The following NF2 variants were observed in gnomAD, a reference collection of about 807,000 sequenced individuals.
The protein encoded by NF2 is NF2, moesin-ezrin-radixin like (MERLIN) tumor suppressor.
A neutral mutation model predicts 83.7 loss-of-function variants in NF2; 8 were observed. The observed-to-expected ratio is 0.10, with a 90% CI of 0.06 to 0.17. The LOEUF (loss-of-function observed/expected upper bound fraction) is 0.17, where lower values mean the gene tolerates loss of function less well. Ranked by LOEUF, NF2 falls within the 10% of genes least tolerant of loss-of-function variation. The pLI is 1.00. For synonymous variants in NF2, 266 were observed against 269.6 expected, an observed-to-expected ratio of 0.99 and a Z score of 0.13; for missense variants, 533 against 744.4, an observed-to-expected ratio of 0.72 and a Z score of 3.31.
Position 29,649,584 on chromosome 22 carries a change from A to T in NF2, c.448-5073A>T, listed in dbSNP as rs1310600538. Among the ~76,000 whole-genome samples the T allele has an allele frequency of 4.6e-5, 7 of 152,186 alleles. No individual in the cohort carries two copies. The East Asian group carries it at 1.4e-3, about 29-fold the overall frequency. ...AAAACAAAACAAAACAAAAGACAAA[A>T]AATATATAAAAGCCAGCTGTGGTGG... On this transcript the variant is annotated intron_variant, in intron 4 of 15. Transcript: ENST00000338641.
At chr22:29,670,093 G>C (rs1182406378) in intron 10 of NF2, among the ~76,000 whole-genome samples, 1 of 151,956 alleles carries the variant, frequency 6.6e-6, no homozygotes, top group Non-Finnish European at 1.5e-5. Context: ...CAAGCTCCTG[G>C]GCTTGAGCAA....
intron 4 of NF2, among the ~76,000 whole-genome samples, chr22:29,649,548 AAAAAC>A (rs375726074): frequency 6.2e-4 from 94 of 152,268 alleles, no homozygotes; most frequent in African/African-American, 1.3e-3. Context: ...AGAAAAAGGC[AAAAAC>A]AAAACAAAAC....
chr22:29,668,110 A>G (rs1414327298), intron 9 of NF2, among the ~76,000 whole-genome samples: 1 of 152,048 alleles, frequency 6.6e-6, no homozygotes, highest in East Asian at 1.9e-4. Flanking sequence ...CTCTTGATTT[A>G]TGATTTTTAC....
At chr22:29,649,771 C>T (rs2066091396) in intron 4 of NF2, among the ~76,000 whole-genome samples, 1 of 144,918 alleles carries the variant, frequency 6.9e-6, no homozygotes, top group Non-Finnish European at 1.5e-5. Context: ...AAAAAGGAGC[C>T]ACTGGTACAA....
chr22:29,649,996 A>G (rs1250277278), intron 4 of NF2, among the ~76,000 whole-genome samples: 2 of 152,078 alleles, frequency 1.3e-5, no homozygotes, highest in Non-Finnish European at 2.9e-5. Flanking sequence ...GTACCACACA[A>G]ATATATATAT....
intron 2 of NF2, among the ~76,000 whole-genome samples, chr22:29,638,064 G>GAAATACATCATGACACATGTTA (rs1322752684): frequency 3.3e-5 from 5 of 152,214 alleles, no homozygotes; most frequent in Non-Finnish European, 5.9e-5. Context: ...CTGCTCAAGG[G>GAAATACATCATGACACATGTTA]AAATACATCA....
intron 9 of NF2, 53 bp downstream of exon 9, chr22:29,665,117 T>A (rs927562850): frequency 1.5e-6 from 2 of 1,316,568 alleles, no homozygotes; most frequent in African/African-American, 2.9e-5. Flanking sequence ...TTCTGAGAAT[T>A]GAATACTTCT....
In NF2 at chr22:29,671,873, T is replaced by C. The variant is rs2066802027; in HGVS notation, c.1047T>C (p.Ala349=). 1 of 1,613,952 alleles carries C rather than the reference T, an allele frequency of 6.2e-7. No homozygotes were observed. The highest frequency in any genetic ancestry group is 8.5e-7 in the Non-Finnish European group (1 of 1,180,016). Residue 349 remains alanine (A), a synonymous_variant, in exon 11 of 16, where the codon GCT becomes GCC. Coordinates refer to ENST00000338641, the MANE Select transcript of NF2 (RefSeq NM_000268.4). ...LAREKQMREE[A]ERTRDELERR... ...GAGAGAAGCAGATGAGGGAGGAGGCTGAACGCACGAGGGATGAGTTGGAGA... is the reference window on the plus strand; with the variant it reads ...GAGAGAAGCAGATGAGGGAGGAGGCCGAACGCACGAGGGATGAGTTGGAGA...
intron 9 of NF2, among the ~76,000 whole-genome samples, chr22:29,666,521 C>A (rs1368379824): frequency 6.6e-6 from 1 of 151,766 alleles, no homozygotes; most frequent in African/African-American, 2.4e-5. Context: ...TCTTTGGAGT[C>A]TTGAGTATAC....
chr22:29,603,918 C>T lies in NF2; in HGVS notation c.-81C>T. 1 of 1,124,376 alleles carries T rather than the reference C, an allele frequency of 8.9e-7. No individual in the cohort carries two copies. The highest frequency in any genetic ancestry group is 1.3e-6 in the Non-Finnish European group (1 of 773,440). The allele number at this position is 1,124,376 out of a possible 1,614,324, so 69.6% of individuals were successfully genotyped here. ...CCGGCCACCATGGTGGCCCTGAGGCCTGTGCAGCAACTCCAGGGGGGCTAA... is the reference window on the plus strand; with the variant it reads ...CCGGCCACCATGGTGGCCCTGAGGCTTGTGCAGCAACTCCAGGGGGGCTAA... On this transcript the variant is annotated 5_prime_UTR_variant, in exon 1 of 16. Transcript: ENST00000338641.
chr22:29,665,755 GAAAAAA>G (rs555450815), intron 9 of NF2, among the ~76,000 whole-genome samples: 1 of 104,946 alleles, frequency 9.5e-6, no homozygotes, highest in Non-Finnish European at 2.0e-5. Flanking sequence ...ACAAGGTCAG[GAAAAAA>G]AAAAAAAAAG....
chr22:29,688,520 G>A (rs552365472), intron 15 of NF2, among the ~76,000 whole-genome samples: 3 of 152,224 alleles, frequency 2.0e-5, no homozygotes, highest in East Asian at 1.9e-4. Flanking sequence ...GTAGATAGCC[G>A]CCACCTGCCC....
intron 4 of NF2, among the ~76,000 whole-genome samples, chr22:29,645,265 G>A (rs1359697484): frequency 6.6e-6 from 1 of 152,152 alleles, no homozygotes; most frequent in Non-Finnish European, 1.5e-5. Flanking sequence ...GAGAGAGCAT[G>A]AGAGTTGTTG....
chr22:29,673,387 C>T lies in NF2; in HGVS notation c.1241C>T (p.Ala414Val). 6.2e-7 allele frequency: 1 copy of T among 1,611,896 alleles called. No individual in the cohort carries two copies. Among genetic ancestry groups the T allele is most frequent in the East Asian group, 2.2e-5 (1 of 44,814 alleles). Reference protein sequence around the residue: ...EAEQEMQRIKATAIRTEEEKR... With the variant: ...EAEQEMQRIKVTAIRTEEEKR... ...GAGCAGGAAATGCAGCGCATCAAGG[C>T]CACAGCGATTCGCACGGAGGAGGAG... The change falls in exon 12 of 16, where the codon GCC (alanine) becomes GTC (valine). Residue 414 changes from alanine (A) to valine (V), a missense_variant. This residue lies in a region of NF2 where 199 missense variants were observed against 240.7 expected (regional missense o/e 0.83). Transcript: ENST00000338641.
intron 4 of NF2, among the ~76,000 whole-genome samples, chr22:29,643,435 C>T (rs1047131506): frequency 6.6e-5 from 10 of 152,118 alleles, no homozygotes; most frequent in Non-Finnish European, 2.9e-5. Context: ...GAGGACCCTG[C>T]GGACTTCCGC....
chr22:29,686,112 TG>T (rs374848138), intron 15 of NF2, among the ~76,000 whole-genome samples: 313 of 152,340 alleles, frequency 2.1e-3, no homozygotes, highest in African/African-American at 7.0e-3. Flanking sequence ...AAATAGTCTT[TG>T]CCCCCAGGAG....
chr22:29,691,035 G>A (rs1268219569), intron 15 of NF2, among the ~76,000 whole-genome samples: 9 of 152,224 alleles, frequency 5.9e-5, no homozygotes, highest in Admixed American at 5.9e-4. Context: ...GACCAGACTT[G>A]GCAAGTCCCA....
At chr22:29,662,185 G>T (rs1356158679) in intron 8 of NF2, among the ~76,000 whole-genome samples, 1 of 152,112 alleles carries the variant, frequency 6.6e-6, no homozygotes, top group Non-Finnish European at 1.5e-5. Flanking sequence ...AGGCTGGAAT[G>T]CAGTGGCACA....
chr22:29,636,919 T>G lies in NF2; in HGVS notation c.240+43T>G, dbSNP rs1466405327. 4 of 1,613,086 alleles carry G rather than the reference T, an allele frequency of 2.5e-6. No homozygotes were observed. The highest frequency in any genetic ancestry group is 1.7e-5 in the Admixed American group (1 of 60,028). On this transcript the variant is annotated intron_variant, in intron 2 of 15. Transcript: ENST00000338641. This position sits in a 1 kb window ranked among gnomAD's most constrained non-coding sequence, Gnocchi z 4.4. ...TGAAACTGGTGGGGCTGACGTGAGC[T>G]TTCCAGTTTTTCCCTGAGCAGGCGC... is the stretch of plus-strand genomic sequence containing the variant.
Sources: gnomAD v4.1 joint callset for allele counts (sites outside exome capture counted in the v4.1 genomes callset) on GRCh38, gnomAD v4.1.1 for gene constraint, gnomAD v4.1.1 regional missense constraint, Gnocchi (gnomAD v3.1) non-coding constraint, MANE v1.5 for transcripts, NCBI Gene and HGNC (gene_info 2026-07-23, HGNC 2026-07-21) for gene names.